Variants in MMS22L observed in about 807,000 individuals in gnomAD.
The protein encoded by MMS22L is protein MMS22-like.
In MMS22L, 74 loss-of-function variants were observed where a neutral mutation model predicts 159.1. The observed-to-expected ratio is 0.47, with a 90% CI of 0.39 to 0.56. The LOEUF (loss-of-function observed/expected upper bound fraction) is 0.56, where lower values mean the gene tolerates loss of function less well. Among genes scored for constraint, MMS22L ranks in the 20% least tolerant of loss-of-function variants. The pLI is 0.00. For missense variants in MMS22L, 1,351 were observed against 1,422.1 expected (o/e 0.95, Z 0.80); for synonymous variants, 517 against 506.9 (o/e 1.02, Z -0.27).
At chr6:97,184,276 C>G (rs1241078012) in intron 15 of MMS22L, among the ~76,000 whole-genome samples, 1 of 152,090 alleles carries the variant, frequency 6.6e-6, no homozygotes, top group Admixed American at 6.6e-5. Flanking sequence ...CCTGACCCTA[C>G]AAATCTGAAC....
intron 10 of MMS22L, among the ~76,000 whole-genome samples, chr6:97,248,279 T>A (rs1812880647): frequency 6.6e-6 from 1 of 152,210 alleles, no homozygotes; most frequent in African/African-American, 2.4e-5. Flanking sequence ...TCCAGTTAAA[T>A]CTTCAGATAC....
At chr6:97,214,684 TG>T (rs1318134262) in intron 14 of MMS22L, among the ~76,000 whole-genome samples, 40 of 91,756 alleles carry the variant, frequency 4.4e-4, no homozygotes, top group African/African-American at 1.3e-3. Context: ...CTATTTTTTT[TG>T]TTTTTTTTTT....
At chr6:97,186,385 TCTGG>T (rs1805231011) in intron 15 of MMS22L, 108 bp downstream of exon 15, 3 of 771,288 alleles carry the variant, frequency 3.9e-6, no homozygotes, top group Non-Finnish European at 5.7e-6. Context: ...GTTTCATCTT[TCTGG>T]CTGACAAAAT....
chr6:97,176,780 T>C (rs1011059216), intron 18 of MMS22L, among the ~76,000 whole-genome samples: 2 of 152,184 alleles, frequency 1.3e-5, no homozygotes, highest in Admixed American at 1.3e-4. Context: ...GAAAAGAATC[T>C]TGGAAGCTGT....
intron 14 of MMS22L, among the ~76,000 whole-genome samples, chr6:97,205,347 T>C (rs1807667076): frequency 6.6e-6 from 1 of 152,172 alleles, no homozygotes; most frequent in African/African-American, 2.4e-5. Flanking sequence ...CACATATTCT[T>C]CCTGTTGTTT....
intron 11 of MMS22L, among the ~76,000 whole-genome samples, chr6:97,245,573 G>C (rs1362369907): frequency 6.6e-6 from 1 of 151,662 alleles, no homozygotes; most frequent in Non-Finnish European, 1.5e-5. Flanking sequence ...AAAAAAATGA[G>C]GACAACCAAT....
intron 19 of MMS22L, among the ~76,000 whole-genome samples, chr6:97,171,315 A>G (rs992494565): frequency 6.6e-6 from 1 of 152,218 alleles, no homozygotes; most frequent in African/African-American, 2.4e-5. Flanking sequence ...ATAATATCAT[A>G]TCACAAGAAA....
At chr6:97,278,339 G>A (rs889454205) in intron 4 of MMS22L, among the ~76,000 whole-genome samples, 2 of 150,442 alleles carry the variant, frequency 1.3e-5, no homozygotes, top group Non-Finnish European at 2.9e-5. Context: ...GGGGGCAGAG[G>A]TTACAGTGAG....
chr6:97,169,317 C>T lies in MMS22L; in HGVS notation c.2840-1077G>A, dbSNP rs182118041. The stretch of plus-strand genomic sequence containing the variant: ...TAATTAAGAGCAGATATATAATTCC[C>T]ATTAGGATATATTATTACTATTGAG... On this transcript the variant is annotated intron_variant, in intron 19 of 24. Transcript: ENST00000683635. Among the ~76,000 whole-genome samples the T allele has an allele frequency of 3.3e-5, 5 of 152,072 alleles. No homozygotes were observed. The East Asian group carries it at 7.7e-4, about 24-fold the overall frequency.
intron 14 of MMS22L, among the ~76,000 whole-genome samples, chr6:97,210,303 G>T (rs1234905963): frequency 2.0e-5 from 3 of 151,874 alleles, no homozygotes; most frequent in East Asian, 3.9e-4. Flanking sequence ...ACAGAATCAG[G>T]TATCAATTTT....
intron 9 of MMS22L, among the ~76,000 whole-genome samples, chr6:97,262,294 T>A (rs1814559630): frequency 6.6e-6 from 1 of 152,108 alleles, no homozygotes. Flanking sequence ...GATGCTAAAA[T>A]AATAATTCAA....
intron 20 of MMS22L, among the ~76,000 whole-genome samples, chr6:97,165,897 C>T (rs4498364): frequency 0.74 from 112,589 of 152,048 alleles, 42,269 homozygotes; most frequent in African/African-American, 0.87. Context: ...ATCTGATAAT[C>T]TTTTTTAAAG....
chr6:97,154,414 C>G (rs1481712868), intron 22 of MMS22L, among the ~76,000 whole-genome samples: 3 of 152,096 alleles, frequency 2.0e-5, no homozygotes, highest in Admixed American at 6.6e-5. Context: ...TGTCTTTTCA[C>G]TTTCTTAACA....
At chr6:97,186,799 A>G (rs866000131) in intron 14 of MMS22L, 109 bp from the exon 15 acceptor site, 80 of 747,228 alleles carry the variant, frequency 1.1e-4, no homozygotes, top group Middle Eastern at 3.1e-4. Context: ...AACATTTTAT[A>G]TAATTAAAAC....
intron 18 of MMS22L, among the ~76,000 whole-genome samples, chr6:97,174,332 T>C (rs116020097): frequency 3.3e-4 from 50 of 152,020 alleles, no homozygotes; most frequent in African/African-American, 1.1e-3. Flanking sequence ...TGAGAACTTA[T>C]AATGAATTCC....
At chr6:97,260,691 T>C (rs574042356) in intron 9 of MMS22L, 3 of 152,304 alleles carry the variant, frequency 2.0e-5, no homozygotes, top group Admixed American at 1.3e-4. Flanking sequence ...AACTAAAGTG[T>C]TATCAAATCT....
At chr6:97,252,127 C>A (rs1371370741) in intron 10 of MMS22L, among the ~76,000 whole-genome samples, 2 of 151,208 alleles carry the variant, frequency 1.3e-5, no homozygotes, top group African/African-American at 4.9e-5. Flanking sequence ...AGCACTGCAA[C>A]CATAGGTGGT....
In MMS22L at chr6:97,145,784, A is replaced by C. The variant is rs1800903611; in HGVS notation, c.*1022T>G. On this transcript the variant is annotated 3_prime_UTR_variant, in exon 25 of 25. Transcript: ENST00000683635. ...AGATCATAAAGCAAAGCTGAGTTTG[A>C]GACCCAGGTGGGTTCCCAAAACTAG... The C allele has an allele frequency of 6.6e-6, 1 of 152,180 alleles. No individual in the cohort carries two copies. Among genetic ancestry groups the C allele is most frequent in the Non-Finnish European group, 1.5e-5 (1 of 68,000 alleles). The allele number at this position is 152,180 out of a possible 1,614,324, so 9.4% of individuals were successfully genotyped here.
intron 18 of MMS22L, among the ~76,000 whole-genome samples, chr6:97,176,723 C>G (rs1804159911): frequency 6.6e-6 from 1 of 152,182 alleles, no homozygotes; most frequent in South Asian, 2.1e-4. Flanking sequence ...TGTCTTGTCA[C>G]AATTCCTTGC....
Sources: allele counts gnomAD v4.1 joint callset (sites outside exome capture counted in the v4.1 genomes callset), GRCh38; gene constraint gnomAD v4.1.1; transcripts MANE v1.5; gene names NCBI Gene and HGNC (gene_info 2026-07-23, HGNC 2026-07-21).